Variants in CSMD1 observed in about 807,000 individuals in gnomAD.
The protein encoded by CSMD1 is CUB and sushi domain-containing protein 1.
CSMD1 carries 213 observed loss-of-function variants against 417.5 expected under a neutral mutation model. The observed-to-expected ratio is 0.51, with a 90% CI of 0.46 to 0.57. The LOEUF (loss-of-function observed/expected upper bound fraction) is 0.57, where lower values mean the gene tolerates loss of function less well. Ranked by LOEUF, CSMD1 falls within the 20% of genes least tolerant of loss-of-function variation. The pLI, the probability that CSMD1 is intolerant of heterozygous loss-of-function variation, is 0.00. For synonymous variants in CSMD1, 2,862 were observed against 1,736.8 expected (o/e 1.65, Z -16.11); for missense variants, 6,923 against 4,529.7 (o/e 1.53, Z -15.17).
At chr8:4,631,255 G>C (rs1044566471) in intron 2 of CSMD1, among the ~76,000 whole-genome samples, 3 of 152,100 alleles carry the variant, frequency 2.0e-5, no homozygotes, top group Non-Finnish European at 4.4e-5. Context: ...CCAGCTACTT[G>C]GGAGGCTGAG....
At chr8:4,021,678 G>A (rs913122933) in intron 4 of CSMD1, among the ~76,000 whole-genome samples, 4 of 152,218 alleles carry the variant, frequency 2.6e-5, no homozygotes, top group Non-Finnish European at 4.4e-5. Context: ...GCATACCTGC[G>A]AAACTTGTTC....
chr8:3,677,075 T>C (rs150540611), intron 7 of CSMD1, among the ~76,000 whole-genome samples: 4 of 152,098 alleles, frequency 2.6e-5, no homozygotes, highest in African/African-American at 9.6e-5. Flanking sequence ...AAACTAGACA[T>C]TGGGTAGATA....
At chr8:3,828,007 C>G (rs1223113661) in intron 5 of CSMD1, among the ~76,000 whole-genome samples, 1 of 152,158 alleles carries the variant, frequency 6.6e-6, no homozygotes, top group Non-Finnish European at 1.5e-5. Context: ...TCATGCATGG[C>G]AAGACTTTAC....
At chr8:3,304,694 CTGCACGTTTT>C (rs1804682361) in intron 25 of CSMD1, among the ~76,000 whole-genome samples, 1 of 150,304 alleles carries the variant, frequency 6.7e-6, no homozygotes, top group Admixed American at 6.7e-5. Context: ...GCAATAAAAA[CTGCACGTTTT>C]TATTCAAATA....
chr8:3,124,655 CT>C (rs1186379413), intron 41 of CSMD1, among the ~76,000 whole-genome samples: 1 of 152,140 alleles, frequency 6.6e-6, no homozygotes, highest in Non-Finnish European at 1.5e-5. Context: ...GTGTGTGCCC[CT>C]TTTCACACTC....
At chr8:4,135,868 A>C (rs1481459157) in intron 3 of CSMD1, among the ~76,000 whole-genome samples, 1 of 152,176 alleles carries the variant, frequency 6.6e-6, no homozygotes, top group African/African-American at 2.4e-5. Context: ...CTAATAAGAA[A>C]AATGTTCTGA....
chr8:4,220,422 C>T (rs1449708691), intron 3 of CSMD1, among the ~76,000 whole-genome samples: 1 of 152,120 alleles, frequency 6.6e-6, no homozygotes, highest in Admixed American at 6.6e-5. Flanking sequence ...CAGTATGCGA[C>T]GTCCATGGGA....
In CSMD1 at chr8:4,809,635, C is replaced by A. The variant is rs541752639; in HGVS notation, c.86-172077G>T. On this transcript the variant is annotated intron_variant, in intron 1 of 69. Transcript: ENST00000635120. The stretch of plus-strand genomic sequence containing the variant: ...TCCAGTAGAAATAATATGCAAGCCA[C>A]ATATGTAATTTTAACTTTTCTAGGG... 2.0e-5 allele frequency among the ~76,000 whole-genome samples: 3 copies of A among 152,264 alleles called. No homozygotes were observed. In the South Asian group the frequency reaches 6.2e-4, roughly 32 times the overall value.
At chr8:4,293,382 C>A (rs556360082) in intron 3 of CSMD1, among the ~76,000 whole-genome samples, 1 of 152,140 alleles carries the variant, frequency 6.6e-6, no homozygotes, top group African/African-American at 2.4e-5. Flanking sequence ...ATTTATTGAG[C>A]AACTCTTAAG....
rs924386043 is a variant in CSMD1 at position 3,614,691 on chromosome 8, G to A, written c.1097+2019C>T. ...CACCAAAGAAGTTTCTAGGTTTCTG[G>A]GATGACAGGATACAAGATGGGCAGT... On this transcript the variant is annotated intron_variant, in intron 8 of 69. Coordinates refer to ENST00000635120, the MANE Select transcript of CSMD1 (RefSeq NM_033225.6). 6.6e-5 allele frequency among the ~76,000 whole-genome samples: 10 copies of A among 152,124 alleles called. No homozygotes were observed. In the South Asian group the frequency reaches 1.9e-3, roughly 28 times the overall value.
At chr8:4,962,577 C>G (rs1036336920) in intron 1 of CSMD1, among the ~76,000 whole-genome samples, 11 of 152,114 alleles carry the variant, frequency 7.2e-5, no homozygotes, top group Admixed American at 4.6e-4. Context: ...AGGATTTTGG[C>G]ATAATCAGAT....
chr8:4,596,625 G>A (rs969322806), intron 2 of CSMD1, among the ~76,000 whole-genome samples: 9 of 152,104 alleles, frequency 5.9e-5, no homozygotes, highest in Admixed American at 1.3e-4. Context: ...CATTGTCTTT[G>A]TTAACTTTGT....
intron 1 of CSMD1, among the ~76,000 whole-genome samples, chr8:4,855,373 G>T (rs998124097): frequency 1.3e-5 from 2 of 152,112 alleles, no homozygotes; most frequent in African/African-American, 2.4e-5. Context: ...TCCTCCAAAG[G>T]AACGCAGTTC....
intron 2 of CSMD1, among the ~76,000 whole-genome samples, chr8:4,519,766 A>AAAAAAAAAAAAAAAAAAAAAAG (rs1803332069): frequency 6.8e-6 from 1 of 147,774 alleles, no homozygotes; most frequent in African/African-American, 2.5e-5. Flanking sequence ...AAAAAAAAAA[A>AAAAAAAAAAAAAAAAAAAAAAG]AAAAAAAAAA....
intron 3 of CSMD1, among the ~76,000 whole-genome samples, chr8:4,275,044 T>G (rs1796397174): frequency 6.6e-6 from 1 of 152,142 alleles, no homozygotes; most frequent in East Asian, 1.9e-4. Context: ...CTTAAACTAC[T>G]TGCTCCAAGA....
chr8:4,271,601 C>T (rs145024676), intron 3 of CSMD1, among the ~76,000 whole-genome samples: 36 of 151,290 alleles, frequency 2.4e-4, no homozygotes, highest in African/African-American at 8.5e-4. Context: ...ATCTCAGGTG[C>T]CTGAGAATTA....
chr8:4,001,683 G>A (rs544533438), intron 4 of CSMD1, among the ~76,000 whole-genome samples: 7 of 152,206 alleles, frequency 4.6e-5, no homozygotes, highest in East Asian at 3.9e-4. Flanking sequence ...TAGAATTTCC[G>A]TTGATGAATG....
At position 4,223,686 on chromosome 8, in the gene CSMD1, C is replaced by G. The variant is rs188687002; in HGVS notation, c.416-191587G>C. Among the ~76,000 whole-genome samples, 247 of 152,314 alleles carry G rather than the reference C, an allele frequency of 1.6e-3. 1 individual carries two copies. The highest frequency in any genetic ancestry group is 5.6e-3 in the African/African-American group (231 of 41,576). On this transcript the variant is annotated intron_variant, in intron 3 of 69. Coordinates refer to ENST00000635120, the MANE Select transcript of CSMD1 (RefSeq NM_033225.6). ...CTGTGCTCTTGGAAAAATCATTTGA[C>G]TTCCAGAGCCTGAATATTTTTTTGT... is the stretch of plus-strand genomic sequence containing the variant.
At chr8:4,144,030 A>C (rs1197115987) in intron 3 of CSMD1, among the ~76,000 whole-genome samples, 1 of 151,272 alleles carries the variant, frequency 6.6e-6, no homozygotes, top group Non-Finnish European at 1.5e-5. Flanking sequence ...TAGAGAAAGC[A>C]GCCTTTGATC....
Sources: gnomAD v4.1 joint callset for allele counts (sites outside exome capture counted in the v4.1 genomes callset) on GRCh38, gnomAD v4.1.1 for gene constraint, MANE v1.5 for transcripts, NCBI Gene and HGNC (gene_info 2026-07-23, HGNC 2026-07-21) for gene names.